Variants in ZCCHC17 observed in about 807,000 individuals in gnomAD.
The protein encoded by ZCCHC17 is zinc finger CCHC-type containing 17, also known as zinc finger CCHC domain-containing protein 17.
ZCCHC17 carries 18 observed loss-of-function variants against 30.6 expected under a neutral mutation model. The ratio of observed to expected loss-of-function variants is 0.59; its 90% CI spans 0.41 to 0.87. The LOEUF (loss-of-function observed/expected upper bound fraction) is 0.87. Ranked by LOEUF, ZCCHC17 falls within the 40% of genes least tolerant of loss-of-function variation. The pLI is 0.00. For synonymous variants in ZCCHC17, 88 were observed against 92.4 expected, an observed-to-expected ratio of 0.95 and a Z score of 0.27; for missense variants, 263 against 284.2, an observed-to-expected ratio of 0.93 and a Z score of 0.54.
chr1:31,326,185 C>A (rs1049722667), intron 3 of ZCCHC17, among the ~76,000 whole-genome samples: 16 of 151,964 alleles, frequency 1.1e-4, no homozygotes, highest in African/African-American at 3.4e-4. Context: ...GAGGAATATT[C>A]AACAGATTAA....
At chr1:31,350,668 C>T (rs557909466) in intron 7 of ZCCHC17, among the ~76,000 whole-genome samples, 2 of 151,388 alleles carry the variant, frequency 1.3e-5, no homozygotes, top group South Asian at 2.1e-4. Flanking sequence ...GGTGTGATCT[C>T]GGCTCATTGC....
chr1:31,330,649 T>C (rs1638545627), intron 3 of ZCCHC17, among the ~76,000 whole-genome samples: 1 of 152,210 alleles, frequency 6.6e-6, no homozygotes, highest in Non-Finnish European at 1.5e-5. Context: ...TGGTATGATG[T>C]AGGAGACCTG....
intron 5 of ZCCHC17, among the ~76,000 whole-genome samples, chr1:31,340,446 T>C (rs1160863151): frequency 6.6e-6 from 1 of 151,052 alleles, no homozygotes; most frequent in Non-Finnish European, 1.5e-5. Flanking sequence ...GCCTCCACAG[T>C]AGCTGGGATT....
chr1:31,333,802 G>A (rs1638690591), intron 3 of ZCCHC17, among the ~76,000 whole-genome samples: 1 of 152,162 alleles, frequency 6.6e-6, no homozygotes, highest in South Asian at 2.1e-4. Context: ...TTTCTATGTG[G>A]TACTCCAGTA....
intron 7 of ZCCHC17, among the ~76,000 whole-genome samples, chr1:31,361,685 C>T (rs927925503): frequency 1.3e-5 from 2 of 152,180 alleles, no homozygotes; most frequent in Non-Finnish European, 1.5e-5. Flanking sequence ...ATCCCAACTG[C>T]GCCTATGCGA....
intron 3 of ZCCHC17, among the ~76,000 whole-genome samples, chr1:31,334,047 A>G: frequency 6.6e-6 from 1 of 152,214 alleles, no homozygotes; most frequent in Non-Finnish European, 1.5e-5. Flanking sequence ...TAGGGGAAAA[A>G]AATAAACCCC....
rs530868466 is a variant in ZCCHC17, at chr1:31,327,770, AG to A, written c.124+8607del. On this transcript the variant is annotated intron_variant, in intron 3 of 7. Coordinates refer to ENST00000344147, the MANE Select transcript of ZCCHC17 (RefSeq NM_016505.4). ...TTGATATGCCAGAGAGAAGCCATAA[AG>A]GGCTTCCTTTAAGTCAAAAGGTAAA... Among the ~76,000 whole-genome samples the A allele has an allele frequency of 4.6e-5, 7 of 152,330 alleles. No individual in the cohort carries two copies. In the East Asian group the frequency reaches 1.3e-3, roughly 29 times the overall value.
intron 7 of ZCCHC17, among the ~76,000 whole-genome samples, chr1:31,355,016 A>G (rs972426359): frequency 1.3e-5 from 2 of 152,102 alleles, no homozygotes; most frequent in African/African-American, 4.8e-5. Flanking sequence ...CTCTACTAAA[A>G]ATACAGAAAT....
Position 31,310,087 on chromosome 1 carries a change from A to C in ZCCHC17, c.-12A>C, listed in dbSNP as rs777514218. The stretch of plus-strand genomic sequence containing the variant: ...AATAGAAGAGAAATGGAGGAGCCAT[A>C]GAATATTAAGGATGAATTCAGGAAG... On this transcript the variant is annotated 5_prime_UTR_variant, in exon 2 of 8. The change abolishes the stop of an existing upstream ORF in the 5' untranslated region. Transcript: ENST00000344147. The C allele has an allele frequency of 4.0e-5, 65 of 1,613,662 alleles. No homozygotes were observed. Among genetic ancestry groups the C allele is most frequent in the Admixed American group, 1.5e-4 (9 of 59,942 alleles).
intron 7 of ZCCHC17, 95 bp downstream of exon 7, chr1:31,349,069 C>A: frequency 7.1e-7 from 1 of 1,399,660 alleles, no homozygotes; most frequent in East Asian, 2.4e-5. Context: ...CCTGTAGTCC[C>A]AGCTACTTGG....
intron 3 of ZCCHC17, among the ~76,000 whole-genome samples, chr1:31,335,762 C>G (rs1384757574): frequency 1.3e-5 from 2 of 152,120 alleles, no homozygotes; most frequent in South Asian, 4.1e-4. Context: ...AAAGTTTATT[C>G]TAGCCTTAGT....
At chr1:31,315,482 A>G (rs7523509) in intron 2 of ZCCHC17, among the ~76,000 whole-genome samples, 68,372 of 151,924 alleles carry the variant, frequency 0.45, 18,913 homozygotes, top group Non-Finnish European at 0.62. Flanking sequence ...GAGCATAGCA[A>G]TGAGACTTGG....
At chr1:31,316,577 AT>A (rs1646738358) in intron 2 of ZCCHC17, among the ~76,000 whole-genome samples, 1 of 152,192 alleles carries the variant, frequency 6.6e-6, no homozygotes, top group Admixed American at 6.5e-5. Flanking sequence ...ACTTATCTTT[AT>A]TATGTGGCCC....
intron 4 of ZCCHC17, among the ~76,000 whole-genome samples, chr1:31,337,498 G>A (rs868248324): frequency 2.6e-5 from 4 of 152,186 alleles, no homozygotes; most frequent in East Asian, 3.8e-4. Flanking sequence ...ATAAGTGCAC[G>A]TTTGTAAAAC....
Position 31,364,867 on chromosome 1 carries a change from A to C in ZCCHC17, c.*674A>C, listed in dbSNP as rs1189618547. The C allele has an allele frequency of 6.6e-6, 1 of 152,254 alleles. No homozygotes were observed. 9.4% of individuals were successfully genotyped at this position (152,254 alleles called of 1,614,324 possible). On this transcript the variant is annotated 3_prime_UTR_variant, in exon 8 of 8. Coordinates refer to ENST00000344147, the MANE Select transcript of ZCCHC17 (RefSeq NM_016505.4). ...TCTACTTTGTATTTACTACTGTGTGAATCAGTTGATTCTACTTCAGGTCCT... is the reference window on the plus strand; with the variant it reads ...TCTACTTTGTATTTACTACTGTGTGCATCAGTTGATTCTACTTCAGGTCCT...
intron 5 of ZCCHC17, among the ~76,000 whole-genome samples, chr1:31,345,225 C>T (rs905451589): frequency 2.4e-4 from 36 of 151,794 alleles, no homozygotes; most frequent in Non-Finnish European, 4.0e-4. Context: ...GGCGCAATCT[C>T]GGCTCACTGC....
intron 3 of ZCCHC17, among the ~76,000 whole-genome samples, chr1:31,322,392 G>A (rs1296290187): frequency 6.6e-6 from 1 of 152,090 alleles, no homozygotes; most frequent in East Asian, 1.9e-4. Context: ...CCCCAAAGTT[G>A]GTAATTTGCT....
chr1:31,326,341 A>T (rs966668217), intron 3 of ZCCHC17, among the ~76,000 whole-genome samples: 1 of 152,218 alleles, frequency 6.6e-6, no homozygotes, highest in Non-Finnish European at 1.5e-5. Flanking sequence ...CATGCCTCTA[A>T]CCTTGTAGAC....
chr1:31,337,330 T>C (rs747294304), intron 4 of ZCCHC17, 55 bp downstream of exon 4: 103 of 1,495,874 alleles, frequency 6.9e-5, no homozygotes, highest in Middle Eastern at 5.1e-4. Flanking sequence ...GAGCTGGGAT[T>C]TTTGATATTT....
Sources: gnomAD v4.1 joint callset for allele counts (sites outside exome capture counted in the v4.1 genomes callset) on GRCh38, gnomAD v4.1.1 for gene constraint, MANE v1.5 for transcripts, NCBI Gene and HGNC (gene_info 2026-07-23, HGNC 2026-07-21) for gene names.